GPC6: variants seen among roughly 807,000 people sequenced by gnomAD.
The protein encoded by GPC6 is glypican-6.
Under a neutral mutation model 55.2 loss-of-function variants are expected in GPC6, and 14 were observed. That is an observed-to-expected ratio of 0.25 (90% CI 0.17 to 0.40). GPC6 has a LOEUF of 0.40. GPC6 is among the 10% of genes least tolerant of loss of function. GPC6 has a pLI of 1.00. For synonymous variants in GPC6, 278 were observed against 259.6 expected, an observed-to-expected ratio of 1.07 and a Z score of -0.68; for missense variants, 641 against 708.5, an observed-to-expected ratio of 0.90 and a Z score of 1.08.
rs191379363 is a variant in GPC6 at position 93,403,941 on chromosome 13, T to C, written c.161-141322T>C. 2.1e-4 allele frequency among the ~76,000 whole-genome samples: 32 copies of C among 152,256 alleles called. No homozygotes were observed. In the East Asian group the frequency reaches 5.2e-3, roughly 25 times the overall value. On this transcript the variant is annotated intron_variant, in intron 1 of 8. Coordinates refer to ENST00000377047, the MANE Select transcript of GPC6 (RefSeq NM_005708.5). ...TCTTATTGGAAATTTTGATTTATTA[T>C]AGAATAAAGATGCTTTCTGTCTTCA...
chr13:93,313,112 T>A (rs1200490262), intron 1 of GPC6, among the ~76,000 whole-genome samples: 1 of 152,170 alleles, frequency 6.6e-6, no homozygotes, highest in African/African-American at 2.4e-5. Context: ...GTAAATATAA[T>A]TCAAAATGCC....
intron 5 of GPC6, among the ~76,000 whole-genome samples, chr13:94,287,201 T>C (rs1400359383): frequency 6.6e-6 from 1 of 152,318 alleles, no homozygotes; most frequent in East Asian, 1.9e-4. Context: ...TCTCCCATAG[T>C]GATGACTGCA....
chr13:94,263,990 G>A (rs9561522), intron 4 of GPC6, among the ~76,000 whole-genome samples: 28,278 of 151,996 alleles, frequency 0.19, 2,913 homozygotes, highest in East Asian at 0.28. Context: ...TGTGGCTGCT[G>A]CTACTATTGT....
chr13:93,896,985 CTTT>C lies in GPC6; in HGVS notation c.711+66453_711+66455del, dbSNP rs3043489. Among the ~76,000 whole-genome samples the C allele has an allele frequency of 1.7e-3, 232 of 138,892 alleles. 1 individual carries two copies. Among genetic ancestry groups the C allele is most frequent in the East Asian group, 4.4e-3 (21 of 4,774 alleles). 91.1% of individuals were successfully genotyped at this position (138,892 alleles called of 152,430 possible). A position where few individuals can be genotyped will look rare whatever the true frequency, so the allele number is the denominator to read the frequency against. On this transcript the variant is annotated intron_variant, in intron 3 of 8. Transcript: ENST00000377047. The stretch of plus-strand genomic sequence containing the variant: ...GAATGTGGGTTTAAACCTCATTATT[CTTT>C]TTTTTTTTTTTTAACATTTTCTTAT...
intron 1 of GPC6, among the ~76,000 whole-genome samples, chr13:93,307,508 T>G (rs1313995318): frequency 6.6e-6 from 1 of 152,126 alleles, no homozygotes; most frequent in Non-Finnish European, 1.5e-5. Context: ...AAATAGTTAT[T>G]ATAATAATTC....
intron 2 of GPC6, among the ~76,000 whole-genome samples, chr13:93,610,058 A>G (rs1878400939): frequency 6.6e-6 from 1 of 152,172 alleles, no homozygotes; most frequent in Non-Finnish European, 1.5e-5. Flanking sequence ...GAATGAGGAC[A>G]TGGATGAAAG....
intron 4 of GPC6, among the ~76,000 whole-genome samples, chr13:94,055,235 T>G (rs1884090432): frequency 6.6e-6 from 1 of 152,144 alleles, no homozygotes; most frequent in Middle Eastern, 3.2e-3. Flanking sequence ...GTCTTTTAGT[T>G]AAACACAGGG....
intron 1 of GPC6, among the ~76,000 whole-genome samples, chr13:93,544,523 C>G (rs558521780): frequency 6.6e-6 from 1 of 152,228 alleles, no homozygotes; most frequent in African/African-American, 2.4e-5. Context: ...ACATTTTATG[C>G]AATAACAGGC....
chr13:93,513,888 T>TTTTC (rs1881078581), intron 1 of GPC6, among the ~76,000 whole-genome samples: 1 of 147,464 alleles, frequency 6.8e-6, no homozygotes, highest in East Asian at 2.0e-4. Context: ...TTTTTTTTTT[T>TTTTC]TTTTTTCGGT....
intron 2 of GPC6, among the ~76,000 whole-genome samples, chr13:93,727,608 A>C (rs570536907): frequency 1.5e-4 from 23 of 152,312 alleles, no homozygotes; most frequent in African/African-American, 5.5e-4. Flanking sequence ...CTCTGATGTT[A>C]TAACATGAAA....
chr13:93,980,641 T>C (rs1034086942), intron 3 of GPC6, among the ~76,000 whole-genome samples: 2 of 152,174 alleles, frequency 1.3e-5, no homozygotes, highest in African/African-American at 4.8e-5. Flanking sequence ...TAAGAAGTTA[T>C]GCCTCTTTTC....
intron 6 of GPC6, among the ~76,000 whole-genome samples, chr13:94,318,473 T>TA (rs1302290845): frequency 2.6e-5 from 4 of 152,174 alleles, no homozygotes; most frequent in African/African-American, 9.7e-5. Context: ...CACACTGTAA[T>TA]AAAAGTTATT....
At chr13:93,838,916 A>G (rs1385072241) in intron 3 of GPC6, among the ~76,000 whole-genome samples, 1 of 152,210 alleles carries the variant, frequency 6.6e-6, no homozygotes, top group African/African-American at 2.4e-5. Context: ...GGCAAAGGAT[A>G]GCAACATTTA....
intron 5 of GPC6, among the ~76,000 whole-genome samples, chr13:94,293,679 C>T (rs1434720819): frequency 6.6e-6 from 1 of 152,134 alleles, no homozygotes; most frequent in Non-Finnish European, 1.5e-5. Flanking sequence ...TTGTAAAGAA[C>T]ATTCATTTCC....
chr13:93,270,367 A>G lies in GPC6; in HGVS notation c.160+42751A>G, dbSNP rs571171079. Among the ~76,000 whole-genome samples, 425 of 152,086 alleles carry G rather than the reference A, an allele frequency of 2.8e-3. 1 individual carries two copies. Among genetic ancestry groups the G allele is most frequent in the African/African-American group, 9.7e-3 (401 of 41,484 alleles). Reference sequence around the variant, plus strand: ...TAAATATATGAGTTTATGTCTATATATACATGTACATAATTACATATGTAT... The same window carrying G: ...TAAATATATGAGTTTATGTCTATATGTACATGTACATAATTACATATGTAT... On this transcript the variant is annotated intron_variant, in intron 1 of 8. Transcript: ENST00000377047.
intron 1 of GPC6, among the ~76,000 whole-genome samples, chr13:93,317,516 A>G (rs985808334): frequency 1.3e-5 from 2 of 152,012 alleles, no homozygotes; most frequent in Non-Finnish European, 2.9e-5. Context: ...TCTTTTCTTT[A>G]TCCACAACCC....
At chr13:94,071,949 C>CT (rs1371880533) in intron 4 of GPC6, among the ~76,000 whole-genome samples, 3 of 152,192 alleles carry the variant, frequency 2.0e-5, no homozygotes, top group Non-Finnish European at 4.4e-5. Context: ...TCCTAAATGA[C>CT]TTTTTGCCAT....
At chr13:93,471,984 A>G (rs1311552255) in intron 1 of GPC6, among the ~76,000 whole-genome samples, 15 of 152,322 alleles carry the variant, frequency 9.8e-5, no homozygotes, top group African/African-American at 3.6e-4. Context: ...TTGAAGTCCT[A>G]CACTATATTT....
chr13:93,461,607 T>TA, intron 1 of GPC6, among the ~76,000 whole-genome samples: 1 of 116,442 alleles, frequency 8.6e-6, no homozygotes, highest in African/African-American at 3.4e-5. Flanking sequence ...ATAGGAAATC[T>TA]AAAAAATCAG....
Sources: gnomAD v4.1 joint callset for allele counts (sites outside exome capture counted in the v4.1 genomes callset) on GRCh38, gnomAD v4.1.1 for gene constraint, MANE v1.5 for transcripts, NCBI Gene and HGNC (gene_info 2026-07-23, HGNC 2026-07-21) for gene names.